The following SLC16A9 variants were observed in gnomAD, a reference collection of about 807,000 sequenced individuals.
SLC16A9 encodes monocarboxylate transporter 9.
Under a neutral mutation model 44.3 loss-of-function variants are expected in SLC16A9, and 26 were observed. The ratio of observed to expected loss-of-function variants is 0.59; its 90% CI spans 0.43 to 0.81. The LOEUF is 0.81. Among genes scored for constraint, SLC16A9 ranks in the 40% least tolerant of loss-of-function variants. The pLI, the probability that SLC16A9 is intolerant of heterozygous loss-of-function variation, is 0.00. For synonymous variants in SLC16A9, 230 were observed against 225.1 expected (o/e 1.02, Z -0.19); for missense variants, 559 against 595.8 (o/e 0.94, Z 0.64).
At chr10:59,697,042 T>C (rs1184073) in intron 1 of SLC16A9, among the ~76,000 whole-genome samples, 58,899 of 81,392 alleles carry the variant, frequency 0.72, 22,238 homozygotes, top group Middle Eastern at 0.86. Context: ...CGCCTCTGCC[T>C]GGCCGCCCCT....
intron 2 of SLC16A9, among the ~76,000 whole-genome samples, chr10:59,679,627 T>C (rs1839943586): frequency 6.6e-6 from 1 of 152,224 alleles, no homozygotes. Context: ...TAAAGTTAAG[T>C]GACTATGCAC....
intron 1 of SLC16A9, among the ~76,000 whole-genome samples, chr10:59,695,922 T>C (rs1840360719): frequency 6.6e-6 from 1 of 152,188 alleles, no homozygotes; most frequent in South Asian, 2.1e-4. Flanking sequence ...CTTTCCTTTA[T>C]TCTTTATTCT....
Position 59,684,343 on chromosome 10 carries a change from C to A in SLC16A9, c.-36-16G>T. On this transcript the variant is annotated splice_polypyrimidine_tract_variant and intron_variant, in intron 1 of 5. Transcript: ENST00000395348. Reference sequence around the variant, plus strand: ...TCTGCAGGTCCTAAACAAAAACAAACAGAAAAGAGAATCTTATTTAGAGTG... The same window carrying A: ...TCTGCAGGTCCTAAACAAAAACAAAAAGAAAAGAGAATCTTATTTAGAGTG... The A allele has an allele frequency of 1.4e-6, 2 of 1,478,514 alleles. No individual in the cohort carries two copies. The highest frequency in any genetic ancestry group is 9.3e-7 in the Non-Finnish European group (1 of 1,079,068). The allele number at this position is 1,478,514 out of a possible 1,614,324, so 91.6% of individuals were successfully genotyped here. A position where few individuals can be genotyped will look rare whatever the true frequency, so the allele number is the denominator to read the frequency against.
At chr10:59,664,359 G>T in intron 3 of SLC16A9, 37 bp from the exon 4 acceptor site, 1 of 1,402,460 alleles carries the variant, frequency 7.1e-7, no homozygotes. Context: ...TTAAGACGCT[G>T]CATTACTTCA....
chr10:59,659,367 T>A (rs1839421551), intron 4 of SLC16A9, among the ~76,000 whole-genome samples: 5 of 152,120 alleles, frequency 3.3e-5, no homozygotes, highest in Admixed American at 3.3e-4. Flanking sequence ...TTAATTTTCG[T>A]TCCTTTTCTC....
At chr10:59,696,297 G>A (rs1334951254) in intron 1 of SLC16A9, among the ~76,000 whole-genome samples, 1 of 152,234 alleles carries the variant, frequency 6.6e-6, no homozygotes, top group Non-Finnish European at 1.5e-5. Flanking sequence ...GTGGAGAGGG[G>A]GTTTCGCTGT....
Position 59,652,027 on chromosome 10 carries a change from G to C in SLC16A9, c.*745C>G, listed in dbSNP as rs1377813820. The C allele has an allele frequency of 6.6e-6, 1 of 152,142 alleles. No homozygotes were observed. 9.4% of individuals were successfully genotyped at this position (152,142 alleles called of 1,614,324 possible). ...CTGAGTGGATGGCCAAGAAGCAAAA[G>C]TGAGCAAGGTTGGAGTGGTCAACCA... On this transcript the variant is annotated 3_prime_UTR_variant, in exon 6 of 6. Transcript: ENST00000395348.
chr10:59,696,715 C>A (rs1840386875), intron 1 of SLC16A9, among the ~76,000 whole-genome samples: 1 of 151,568 alleles, frequency 6.6e-6, no homozygotes, highest in African/African-American at 2.4e-5. Context: ...TCTGCCCTGC[C>A]GCCCCGTCTG....
chr10:59,706,255 CT>C (rs200919308), intron 1 of SLC16A9, among the ~76,000 whole-genome samples: 1 of 151,566 alleles, frequency 6.6e-6, no homozygotes, highest in East Asian at 2.0e-4. Context: ...ACCATGTGTT[CT>C]TTTTTTTGAA....
chr10:59,680,199 G>A (rs914852304), intron 2 of SLC16A9, among the ~76,000 whole-genome samples: 1 of 152,098 alleles, frequency 6.6e-6, no homozygotes, highest in Admixed American at 6.6e-5. Flanking sequence ...AAGAATTCAA[G>A]CAAGGGGAAG....
intron 2 of SLC16A9, among the ~76,000 whole-genome samples, chr10:59,678,281 C>T (rs1371989699): frequency 6.6e-6 from 1 of 151,902 alleles, no homozygotes; most frequent in Non-Finnish European, 1.5e-5. Context: ...TCCTACCTTT[C>T]CATCTAAAAT....
chr10:59,663,330 C>T (rs989537431), intron 4 of SLC16A9, among the ~76,000 whole-genome samples: 2 of 151,900 alleles, frequency 1.3e-5, no homozygotes, highest in African/African-American at 2.4e-5. Flanking sequence ...TGTTACACTC[C>T]AGCCTGGGCA....
chr10:59,697,605 C>T (rs955857273), intron 1 of SLC16A9, among the ~76,000 whole-genome samples: 3 of 149,178 alleles, frequency 2.0e-5, no homozygotes, highest in Non-Finnish European at 4.5e-5. Context: ...CGGAAGGCCG[C>T]AGGGTCCTCT....
chr10:59,697,969 A>AG (rs916700148), intron 1 of SLC16A9, among the ~76,000 whole-genome samples: 1 of 149,758 alleles, frequency 6.7e-6, no homozygotes, highest in Non-Finnish European at 1.5e-5. Flanking sequence ...CAGTAAAAAA[A>AG]AAAACAAAAA....
intron 4 of SLC16A9, among the ~76,000 whole-genome samples, chr10:59,655,493 G>A (rs1325373875): frequency 1.3e-5 from 2 of 152,066 alleles, no homozygotes; most frequent in African/African-American, 4.8e-5. Flanking sequence ...CTGAATCACC[G>A]GAATGAGTGA....
intron 1 of SLC16A9, among the ~76,000 whole-genome samples, chr10:59,699,301 G>A (rs1840469193): frequency 6.6e-6 from 1 of 152,178 alleles, no homozygotes; most frequent in South Asian, 2.1e-4. Context: ...TGATCATTTG[G>A]TAAAGGTATT....
intron 1 of SLC16A9, among the ~76,000 whole-genome samples, chr10:59,696,924 G>T (rs1167903777): frequency 5.9e-5 from 1 of 16,852 alleles, no homozygotes; most frequent in Non-Finnish European, 2.9e-4. Context: ...CCCCGTCCGG[G>T]AGGGAGGTGG....
intron 4 of SLC16A9, among the ~76,000 whole-genome samples, chr10:59,658,415 C>T (rs1411776673): frequency 3.3e-5 from 5 of 152,144 alleles, no homozygotes; most frequent in African/African-American, 4.8e-5. Context: ...TTTTCATCAA[C>T]GTACTATTAT....
rs143114077 is a variant in SLC16A9 at position 59,651,763 on chromosome 10, G to GCACACACACACA, written c.*997_*1008dup. On this transcript the variant is annotated 3_prime_UTR_variant, in exon 6 of 6. Transcript: ENST00000395348. ...CCCATGCAGACTTAGAGCATGCATA[G>GCACACACACACA]CACACACACACACACACACACACAC... 6.7e-6 allele frequency: 1 copy of GCACACACACACA among 149,924 alleles called. No homozygotes were observed. The highest frequency in any genetic ancestry group is 2.5e-5 in the African/African-American group (1 of 40,794). The allele number at this position is 149,924 out of a possible 1,614,324, so 9.3% of individuals were successfully genotyped here. A position where few individuals can be genotyped will look rare whatever the true frequency, so the allele number is the denominator to read the frequency against.
Sources: allele counts gnomAD v4.1 joint callset (sites outside exome capture counted in the v4.1 genomes callset), GRCh38; gene constraint gnomAD v4.1.1; transcripts MANE v1.5; gene names NCBI Gene and HGNC (gene_info 2026-07-23, HGNC 2026-07-21).